NEK9: variants seen among roughly 807,000 people sequenced by gnomAD.
The protein encoded by NEK9 is serine/threonine-protein kinase Nek9.
NEK9 carries 75 observed loss-of-function variants against 123.4 expected under a neutral mutation model. That is an observed-to-expected ratio of 0.61 (90% CI 0.50 to 0.74). The LOEUF is 0.74. NEK9 is among the 30% of genes least tolerant of loss of function. NEK9 has a pLI of 0.00. For synonymous variants in NEK9, 438 were observed against 458.7 expected, an observed-to-expected ratio of 0.95 and a Z score of 0.58; for missense variants, 952 against 1,214.4, an observed-to-expected ratio of 0.78 and a Z score of 3.21.
Position 75,084,254 on chromosome 14 carries a change from G to C in NEK9, c.*310C>G. On this transcript the variant is annotated 3_prime_UTR_variant, in exon 22 of 22. Transcript: ENST00000238616. ...GCTGCTACCAGCGCAATTAAGGTGA[G>C]CACTGTGTCTCCTCTTCAAAGGTGG... 1 of 292,606 alleles carries C rather than the reference G, an allele frequency of 3.4e-6. No individual in the cohort carries two copies. The allele number at this position is 292,606 out of a possible 1,614,324, so 18.1% of individuals were successfully genotyped here. A position where few individuals can be genotyped will look rare whatever the true frequency, so the allele number is the denominator to read the frequency against.
rs1893803712 is a variant in NEK9, at chr14:75,079,413, T to C, written c.*5151A>G. 6.6e-6 allele frequency: 1 copy of C among 152,148 alleles called. No individual in the cohort carries two copies. The highest frequency in any genetic ancestry group is 1.5e-5 in the Non-Finnish European group (1 of 68,022). The allele number at this position is 152,148 out of a possible 1,614,324, so 9.4% of individuals were successfully genotyped here. Reference sequence around the variant, plus strand: ...GGAGGTATCACATAATAAAGCTTTATGGTTAGCCCCTTAAGGAAACCTCAC... The same window carrying C: ...GGAGGTATCACATAATAAAGCTTTACGGTTAGCCCCTTAAGGAAACCTCAC... On this transcript the variant is annotated 3_prime_UTR_variant, in exon 22 of 22. Transcript: ENST00000238616.
intron 19 of NEK9, among the ~76,000 whole-genome samples, chr14:75,090,640 C>T (rs539297025): frequency 1.3e-5 from 2 of 151,588 alleles, no homozygotes; most frequent in Non-Finnish European, 1.5e-5. Flanking sequence ...TGGCACAGCT[C>T]GGCTCACTTC....
At chr14:75,105,244 A>G (rs948606681) in intron 13 of NEK9, among the ~76,000 whole-genome samples, 1 of 152,140 alleles carries the variant, frequency 6.6e-6, no homozygotes, top group African/African-American at 2.4e-5. Flanking sequence ...GTCCCTAGAA[A>G]TGCATAATAA....
chr14:75,102,407 G>A (rs1297813043), intron 14 of NEK9, among the ~76,000 whole-genome samples: 1 of 152,022 alleles, frequency 6.6e-6, no homozygotes, highest in Non-Finnish European at 1.5e-5. Context: ...GAGTGCAGTG[G>A]CGCGGTCTCG....
At chr14:75,094,008 C>T (rs1894301982) in intron 18 of NEK9, among the ~76,000 whole-genome samples, 1 of 152,186 alleles carries the variant, frequency 6.6e-6, no homozygotes, top group Admixed American at 6.5e-5. Context: ...CACCAATGGA[C>T]ATTTGCTTTT....
At chr14:75,106,364 A>G (rs1183852441) in intron 12 of NEK9, 138 bp downstream of exon 12, 27 of 319,512 alleles carry the variant, frequency 8.5e-5, no homozygotes, top group Non-Finnish European at 1.2e-4. Flanking sequence ...GTCTCGAGAA[A>G]AAAAAAAAAA....
Position 75,106,651 on chromosome 14 carries a change from A to G in NEK9, c.1379T>C (p.Val460Ala). Residue 460 changes from valine (V) to alanine (A), a missense_variant, in exon 12 of 22, where the codon GTG becomes GCG. This residue lies in a region of NEK9 where 698 missense variants were observed against 875.6 expected (regional missense o/e 0.80). Coordinates refer to ENST00000238616, the MANE Select transcript of NEK9 (RefSeq NM_033116.6). ...CACTTCAGGGCCAGCAACTTTGTCC[A>G]CCCCCATGCAGCCATAATAATCTGA... is the stretch of plus-strand genomic sequence containing the variant. Reference protein sequence around the residue: ...FGSDYYGCMGVDKVAGPEVLE... With the variant: ...FGSDYYGCMGADKVAGPEVLE... The G allele has an allele frequency of 6.2e-7, 1 of 1,613,904 alleles. No individual in the cohort carries two copies. Among genetic ancestry groups the G allele is most frequent in the Non-Finnish European group, 8.5e-7 (1 of 1,179,994 alleles).
chr14:75,126,413 A>G (rs531290548), intron 1 of NEK9, among the ~76,000 whole-genome samples: 1 of 152,350 alleles, frequency 6.6e-6, no homozygotes, highest in Admixed American at 6.5e-5. Flanking sequence ...TTAAAAAAAA[A>G]AGAAAAAGAT....
chr14:75,102,284 T>C (rs1185236133), intron 14 of NEK9, among the ~76,000 whole-genome samples: 1 of 152,194 alleles, frequency 6.6e-6, no homozygotes, highest in Non-Finnish European at 1.5e-5. Context: ...TCACAACAAA[T>C]CCACTGCTAT....
At chr14:75,097,959 C>T (rs1308514331) in intron 16 of NEK9, among the ~76,000 whole-genome samples, 1 of 152,198 alleles carries the variant, frequency 6.6e-6, no homozygotes, top group African/African-American at 2.4e-5. Context: ...AGGTCCTGCT[C>T]ACATAGGGCC....
intron 4 of NEK9, among the ~76,000 whole-genome samples, chr14:75,119,809 A>C (rs1289981385): frequency 6.6e-6 from 1 of 152,244 alleles, no homozygotes; most frequent in Non-Finnish European, 1.5e-5. Flanking sequence ...CTGGTTCACT[A>C]TGTCTTCCTT....
intron 10 of NEK9, 48 bp from the exon 11 acceptor site, chr14:75,107,535 T>C (rs530620871): frequency 6.8e-7 from 1 of 1,467,692 alleles, no homozygotes; most frequent in Admixed American, 2.4e-5. Flanking sequence ...TTACATTTTA[T>C]TAAACTTAAA....
Position 75,125,664 on chromosome 14 carries a change from T to G in NEK9, c.219+1039A>C, listed in dbSNP as rs764210926. ...AAGAAAACAGACTACTAAGAATAAC[T>G]AACTCTAACATCATACATTAACGTG... is the stretch of plus-strand genomic sequence containing the variant. On this transcript the variant is annotated intron_variant, in intron 1 of 21. Coordinates refer to ENST00000238616, the MANE Select transcript of NEK9 (RefSeq NM_033116.6). Among the ~76,000 whole-genome samples the G allele has an allele frequency of 1.5e-3, 225 of 152,206 alleles. 11 individuals carry two copies. The highest frequency in any genetic ancestry group is 5.3e-4 in the Non-Finnish European group (36 of 68,032).
At chr14:75,106,084 G>A (rs879031743) in intron 12 of NEK9, 88 bp from the exon 13 acceptor site, 85 of 1,188,414 alleles carry the variant, frequency 7.2e-5, no homozygotes, top group Non-Finnish European at 1.0e-4. Context: ...TGCCAGGTGC[G>A]GTGGCTCACA....
intron 16 of NEK9, among the ~76,000 whole-genome samples, chr14:75,099,606 A>C (rs1457688162): frequency 6.6e-6 from 1 of 150,972 alleles, no homozygotes; most frequent in East Asian, 2.0e-4. Flanking sequence ...ACAGGGCAAA[A>C]CCCCATCTCT....
At position 75,105,993 on chromosome 14, in the gene NEK9, C is replaced by T. The variant is rs375491621; in HGVS notation, c.1532G>A (p.Arg511Gln). Reference sequence around the variant, plus strand: ...ATCCTCTTCTGAATCCAAACCCAGTCGTCCTGAAACACACATAAGAATGAA... The same window carrying T: ...ATCCTCTTCTGAATCCAAACCCAGTTGTCCTGAAACACACATAAGAATGAA... ...VYSWGCGEYG[R>Q]LGLDSEEDYY... Residue 511 changes from arginine to glutamine, a missense_variant, in exon 13 of 22, where the codon CGA becomes CAA. This residue lies in a region of NEK9 where 698 missense variants were observed against 875.6 expected (regional missense o/e 0.80). Transcript: ENST00000238616. 7.9e-5 allele frequency: 128 copies of T among 1,612,808 alleles called. No homozygotes were observed. Among genetic ancestry groups the T allele is most frequent in the Non-Finnish European group, 9.5e-5 (112 of 1,178,942 alleles).
Position 75,109,824 on chromosome 14 carries a change from T to G in NEK9, c.1043A>C (p.Glu348Ala), listed in dbSNP as rs767270768. ...PIAVVTSRTS[E>A]VYVWGGGKST... ...TTTTCCACCACCCCAAACATAGACT[T>G]CACTGGTTCGTGATGTTACTACAGC... Residue 348 changes from glutamate to alanine, a missense_variant, in exon 10 of 22, where the codon GAA becomes GCA. Glu to Ala is a moderately radical substitution (Grantham distance 107, BLOSUM62 -1). Coordinates refer to ENST00000238616, the MANE Select transcript of NEK9 (RefSeq NM_033116.6). The G allele has an allele frequency of 6.2e-7, 1 of 1,614,000 alleles. No individual in the cohort carries two copies. The highest frequency in any genetic ancestry group is 8.5e-7 in the Non-Finnish European group (1 of 1,179,986).
At chr14:75,121,010 G>T in intron 3 of NEK9, 109 bp downstream of exon 3, 1 of 918,516 alleles carries the variant, frequency 1.1e-6, no homozygotes, top group Non-Finnish European at 1.8e-6. Flanking sequence ...GAAGGAGTCT[G>T]AACAAAAGGA....
chr14:75,084,755 T>C (rs1012243433), intron 21 of NEK9, 69 bp from the exon 22 acceptor site: 85 of 1,595,474 alleles, frequency 5.3e-5, no homozygotes, highest in African/African-American at 1.2e-4. Context: ...TTCAGTACTA[T>C]ATTTTCAATG....
Sources: gnomAD v4.1 joint callset for allele counts (sites outside exome capture counted in the v4.1 genomes callset) on GRCh38, gnomAD v4.1.1 for gene constraint, gnomAD v4.1.1 regional missense constraint, MANE v1.5 for transcripts, NCBI Gene and HGNC (gene_info 2026-07-23, HGNC 2026-07-21) for gene names.